The following RITA1 variants were observed in gnomAD, a reference collection of about 807,000 sequenced individuals.
The protein encoded by RITA1 is RBPJ-interacting and tubulin-associated protein 1.
Under a neutral mutation model 8.7 loss-of-function variants are expected in RITA1, and 15 were observed. The ratio of observed to expected loss-of-function variants is 1.72; its 90% CI spans 1.15 to 2.65. The LOEUF is 2.65. Ranked by LOEUF, RITA1 falls within the 30% of genes most tolerant of loss-of-function variation. RITA1 has a pLI of 0.00. For missense variants in RITA1, 330 were observed against 363.8 expected (o/e 0.91, Z 0.76); for synonymous variants, 145 against 156.2 (o/e 0.93, Z 0.53).
chr12:113,186,278 G>A lies in RITA1; in HGVS notation c.-103G>A. On this transcript the variant is annotated 5_prime_UTR_variant, in exon 2 of 4. Coordinates refer to ENST00000548278, the MANE Select transcript of RITA1 (RefSeq NM_032848.3). ...AGCTACTTCACAGTGCTGTTGAGAG[G>A]ATTAAATGAAACAATGCTTGTAAAG... The A allele has an allele frequency of 7.1e-7, 1 of 1,399,548 alleles. No individual in the cohort carries two copies. Among genetic ancestry groups the A allele is most frequent in the Non-Finnish European group, 9.3e-7 (1 of 1,077,438 alleles). The allele number at this position is 1,399,548 out of a possible 1,614,324, so 86.7% of individuals were successfully genotyped here.
At chr12:113,190,555 G>A (rs1952589230) in intron 3 of RITA1, among the ~76,000 whole-genome samples, 2 of 152,152 alleles carry the variant, frequency 1.3e-5, no homozygotes, top group South Asian at 4.1e-4. Flanking sequence ...AGGCTGAGGT[G>A]AGAGGATTGC....
chr12:113,188,787 CTTTTTTTTTTTTTTTTTTTTTTTTT>C lies in RITA1; in HGVS notation c.302+1756_302+1780del, dbSNP rs760372956. Reference sequence around the variant, plus strand: ...TATAATGTTATTTAGCCTTAGTTACCTTTTTTTTTTTTTTTTTTTTTTTTTTTTTTTTTTTTTTTTTGAGATGGAG... The same window carrying C: ...TATAATGTTATTTAGCCTTAGTTACCTTTTTTTTTTTTTTTTGAGATGGAG... On this transcript the variant is annotated intron_variant, in intron 3 of 3. Transcript: ENST00000548278. Among the ~76,000 whole-genome samples the C allele has an allele frequency of 2.2e-4, 16 of 73,208 alleles. No individual in the cohort carries two copies. The South Asian group carries it at 3.9e-3, about 18-fold the overall frequency. 48.0% of individuals were successfully genotyped at this position (73,208 alleles called of 152,430 possible).
rs144484500 is a variant in RITA1, at chr12:113,186,958, C to T, written c.212C>T (p.Ser71Leu). 3.7e-4 allele frequency: 596 copies of T among 1,613,858 alleles called. No individual in the cohort carries two copies. The highest frequency in any genetic ancestry group is 4.7e-4 in the Non-Finnish European group (556 of 1,179,924). Residue 71 changes from serine to leucine, a missense_variant, in exon 3 of 4, where the codon TCG becomes TTG. Coordinates refer to ENST00000548278, the MANE Select transcript of RITA1 (RefSeq NM_032848.3). ...NRTRGVGKEA[S>L]KALGAKGSCE... ...ACCAGAGGCGTGGGCAAGGAGGCATCGAAGGCCTTGGGGGCAAAGGGGAGC... is the reference window on the plus strand; with the variant it reads ...ACCAGAGGCGTGGGCAAGGAGGCATTGAAGGCCTTGGGGGCAAAGGGGAGC...
chr12:113,185,868 G>A lies in RITA1; in HGVS notation c.-350G>A, dbSNP rs57137190. On this transcript the variant is annotated 5_prime_UTR_variant, in exon 1 of 4. Coordinates refer to ENST00000548278, the MANE Select transcript of RITA1 (RefSeq NM_032848.3). ...CCCGGGACGGCCTAGGCTGCCGGGG[G>A]TCCGGGGCCCCAGGCATTCCGGGCT... The A allele has an allele frequency of 1.4e-3, 1,650 of 1,190,292 alleles. 27 individuals are homozygous for A. The African/African-American group carries it at 0.022, about 16-fold the overall frequency. The allele number at this position is 1,190,292 out of a possible 1,614,324, so 73.7% of individuals were successfully genotyped here.
intron 3 of RITA1, among the ~76,000 whole-genome samples, chr12:113,188,965 A>G (rs1952570215): frequency 6.6e-6 from 1 of 151,464 alleles, no homozygotes; most frequent in African/African-American, 2.4e-5. Context: ...GCACGCCACC[A>G]TGCCTGGCTA....
At position 113,186,907 on chromosome 12, in the gene RITA1, C is replaced by T. The variant is rs748006315; in HGVS notation, c.161C>T (p.Pro54Leu). 12 of 1,614,102 alleles carry T rather than the reference C, an allele frequency of 7.4e-6. No individual in the cohort carries two copies. The highest frequency in any genetic ancestry group is 1.1e-5 in the South Asian group (1 of 91,078). ...GTRPTPPDFDPPWVEKANRTR... is the reference protein window; with the variant it reads ...GTRPTPPDFDLPWVEKANRTR... ...CGGCCTACCCCACCGGACTTCGATCCGCCCTGGGTGGAGAAGGCTAACAGA... is the reference window on the plus strand; with the variant it reads ...CGGCCTACCCCACCGGACTTCGATCTGCCCTGGGTGGAGAAGGCTAACAGA... Residue 54 changes from proline (P) to leucine (L), a missense_variant, in exon 3 of 4, where the codon CCG becomes CTG. Transcript: ENST00000548278.
Position 113,191,935 on chromosome 12 carries a change from G to A in RITA1, c.*118G>A. 7.6e-7 allele frequency: 1 copy of A among 1,309,984 alleles called. No individual in the cohort carries two copies. Among genetic ancestry groups the A allele is most frequent in the Non-Finnish European group, 1.0e-6 (1 of 960,802 alleles). The allele number at this position is 1,309,984 out of a possible 1,614,324, so 81.1% of individuals were successfully genotyped here. Reference sequence around the variant, plus strand: ...TATTAAAGAAGCCCCTGTGGGGGCAGACAGACATAGCAGGGGTGGGCAGTG... The same window carrying A: ...TATTAAAGAAGCCCCTGTGGGGGCAAACAGACATAGCAGGGGTGGGCAGTG... On this transcript the variant is annotated 3_prime_UTR_variant, in exon 4 of 4. Coordinates refer to ENST00000548278, the MANE Select transcript of RITA1 (RefSeq NM_032848.3). This position sits in a 1 kb window ranked among gnomAD's most constrained non-coding sequence, Gnocchi z 4.0.
chr12:113,186,939 G>A lies in RITA1; in HGVS notation c.193G>A (p.Gly65Ser). The A allele has an allele frequency of 1.2e-6, 2 of 1,614,132 alleles. No individual in the cohort carries two copies. Among genetic ancestry groups the A allele is most frequent in the Non-Finnish European group, 1.7e-6 (2 of 1,180,024 alleles). Residue 65 changes from glycine to serine, a missense_variant, in exon 3 of 4, where the codon GGC becomes AGC. Gly to Ser is a moderately conservative substitution (Grantham distance 56). Coordinates refer to ENST00000548278, the MANE Select transcript of RITA1 (RefSeq NM_032848.3). ...GGTGGAGAAGGCTAACAGAACCAGA[G>A]GCGTGGGCAAGGAGGCATCGAAGGC... ...PWVEKANRTR[G>S]VGKEASKALG...
Position 113,186,305 on chromosome 12 carries a change from TC to T in RITA1, c.-75del. On this transcript the variant is annotated 5_prime_UTR_variant, in exon 2 of 4. Coordinates refer to ENST00000548278, the MANE Select transcript of RITA1 (RefSeq NM_032848.3). Reference sequence around the variant, plus strand: ...TTAAATGAAACAATGCTTGTAAAGCTCTTTGCAGGAGGTAGGCATGGGATCC... The same window carrying T: ...TTAAATGAAACAATGCTTGTAAAGCTTTTGCAGGAGGTAGGCATGGGATCC... 1 of 1,387,310 alleles carries T rather than the reference TC, an allele frequency of 7.2e-7. No individual in the cohort carries two copies. Among genetic ancestry groups the T allele is most frequent in the Non-Finnish European group, 9.3e-7 (1 of 1,071,600 alleles). The allele number at this position is 1,387,310 out of a possible 1,614,324, so 85.9% of individuals were successfully genotyped here. A position where few individuals can be genotyped will look rare whatever the true frequency, so the allele number is the denominator to read the frequency against.
chr12:113,186,370 T>A (rs931070911), intron 2 of RITA1, 54 bp downstream of exon 2: 1 of 1,362,924 alleles, frequency 7.3e-7, no homozygotes, highest in Non-Finnish European at 9.4e-7. Context: ...TCAGTACACA[T>A]AGGAAAGTGC....
intron 3 of RITA1, among the ~76,000 whole-genome samples, chr12:113,189,075 G>A (rs1952571709): frequency 6.6e-6 from 1 of 151,804 alleles, no homozygotes; most frequent in Non-Finnish European, 1.5e-5. Flanking sequence ...TTTCCAAAGT[G>A]CTGGAATTAC....
chr12:113,188,860 G>GAGTGC (rs1227386325), intron 3 of RITA1, among the ~76,000 whole-genome samples: 1 of 127,680 alleles, frequency 7.8e-6, no homozygotes, highest in African/African-American at 3.0e-5. Context: ...GCCCAGGCTG[G>GAGTGC]AGTGCAGTGG....
At chr12:113,189,057 G>A (rs1329823045) in intron 3 of RITA1, among the ~76,000 whole-genome samples, 1 of 151,656 alleles carries the variant, frequency 6.6e-6, no homozygotes, top group African/African-American at 2.4e-5. Flanking sequence ...TCGTTCTCCC[G>A]CCTCTGCTTT....
At chr12:113,187,903 G>T (rs760419652) in intron 3 of RITA1, among the ~76,000 whole-genome samples, 5 of 152,204 alleles carry the variant, frequency 3.3e-5, no homozygotes, top group African/African-American at 7.2e-5. Context: ...ATTAATATCA[G>T]CCTGGAGGGA....
chr12:113,187,168 T>C (rs2136333450), intron 3 of RITA1, 120 bp downstream of exon 3: 1 of 1,087,588 alleles, frequency 9.2e-7, no homozygotes, highest in African/African-American at 1.6e-5. Context: ...CTGAGCCAGT[T>C]TACTCATGTG....
chr12:113,190,194 T>C (rs1186735748), intron 3 of RITA1, among the ~76,000 whole-genome samples: 2 of 151,536 alleles, frequency 1.3e-5, no homozygotes, highest in African/African-American at 2.4e-5. Flanking sequence ...TAGCTGGGCA[T>C]GGTAGCACAT....
chr12:113,188,056 T>C (rs977938677), intron 3 of RITA1, among the ~76,000 whole-genome samples: 1 of 152,008 alleles, frequency 6.6e-6, no homozygotes, highest in African/African-American at 2.4e-5. Context: ...AACACAATTT[T>C]TTTTTTTTTT....
At chr12:113,189,904 G>A (rs1201801865) in intron 3 of RITA1, among the ~76,000 whole-genome samples, 2 of 151,492 alleles carry the variant, frequency 1.3e-5, no homozygotes, top group African/African-American at 4.9e-5. Context: ...GGGCATAGTG[G>A]TGCATACCTG....
At chr12:113,186,432 C>T in intron 2 of RITA1, 116 bp downstream of exon 2, 1 of 1,370,850 alleles carries the variant, frequency 7.3e-7, no homozygotes, top group Non-Finnish European at 9.4e-7. Flanking sequence ...TAAATAGACA[C>T]AGGTGTCATC....
Sources: allele counts gnomAD v4.1 joint callset (sites outside exome capture counted in the v4.1 genomes callset), GRCh38; gene constraint gnomAD v4.1.1; non-coding constraint Gnocchi (gnomAD v3.1); transcripts MANE v1.5; gene names NCBI Gene and HGNC (gene_info 2026-07-23, HGNC 2026-07-21).